The following CDC14B variants were observed in gnomAD, a reference collection of about 807,000 sequenced individuals.
The protein encoded by CDC14B is dual specificity protein phosphatase CDC14B.
In CDC14B, 22 loss-of-function variants were observed where a neutral mutation model predicts 64.2. That is an observed-to-expected ratio of 0.34 (90% confidence interval 0.24 to 0.49). The LOEUF is 0.49. Ranked by LOEUF, CDC14B falls within the 20% of genes least tolerant of loss-of-function variation. The pLI is 0.99. For synonymous variants in CDC14B, 191 were observed against 215.8 expected (o/e 0.89, Z 1.01); for missense variants, 498 against 629.9 (o/e 0.79, Z 2.24).
At chr9:96,599,877 G>A (rs1260250466) in intron 1 of CDC14B, among the ~76,000 whole-genome samples, 7 of 151,872 alleles carry the variant, frequency 4.6e-5, no homozygotes, top group Admixed American at 1.3e-4. Context: ...GACTACAGGC[G>A]CATGCCACCA....
intron 1 of CDC14B, among the ~76,000 whole-genome samples, chr9:96,615,966 C>T (rs963111374): frequency 3.3e-5 from 5 of 152,158 alleles, no homozygotes; most frequent in African/African-American, 9.7e-5. Context: ...TGGAAAACCC[C>T]CAAATAACCA....
intron 1 of CDC14B, among the ~76,000 whole-genome samples, chr9:96,604,762 G>A (rs920663047): frequency 6.6e-6 from 1 of 151,714 alleles, no homozygotes; most frequent in Admixed American, 6.6e-5. Context: ...TCAGCCTCCT[G>A]GGTTCAAGCG....
chr9:96,512,329 T>C (rs10820750), intron 12 of CDC14B, among the ~76,000 whole-genome samples: 26,540 of 149,106 alleles, frequency 0.18, 2,403 homozygotes, highest in African/African-American at 0.22. Context: ...TTTTTTTCTT[T>C]TTTTTTTTTT....
At position 96,534,173 on chromosome 9, in the gene CDC14B, C is replaced by T. The variant is rs377578266; in HGVS notation, c.716-16G>A. 6.9e-5 allele frequency: 100 copies of T among 1,459,540 alleles called. No individual in the cohort carries two copies. Among genetic ancestry groups the T allele is most frequent in the Non-Finnish European group, 9.1e-5 (96 of 1,055,116 alleles). 90.4% of individuals were successfully genotyped at this position (1,459,540 alleles called of 1,614,324 possible). A position where few individuals can be genotyped will look rare whatever the true frequency, so the allele number is the denominator to read the frequency against. On this transcript the variant is annotated splice_polypyrimidine_tract_variant and intron_variant, in intron 8 of 13. Transcript: ENST00000375241. ...TGGTGGTAACCTACATAAAGAAATG[C>T]ACCAGATCTTATAAAACACATAAAG... is the stretch of plus-strand genomic sequence containing the variant.
intron 1 of CDC14B, among the ~76,000 whole-genome samples, chr9:96,600,349 T>C (rs913914195): frequency 6.6e-6 from 1 of 151,954 alleles, no homozygotes; most frequent in Non-Finnish European, 1.5e-5. Flanking sequence ...ACTGGACAGA[T>C]GAGGGCAAGG....
chr9:96,563,340 C>T (rs1278667406), intron 3 of CDC14B, among the ~76,000 whole-genome samples: 1 of 152,140 alleles, frequency 6.6e-6, no homozygotes, highest in African/African-American at 2.4e-5. Context: ...ATGATGTGTA[C>T]ATATTTCTAT....
chr9:96,517,636 T>C (rs1027919178), intron 12 of CDC14B, among the ~76,000 whole-genome samples: 4 of 65,126 alleles, frequency 6.1e-5, no homozygotes, highest in South Asian at 4.7e-4. Flanking sequence ...AGAGCAAGAC[T>C]CCGTCTCAAA....
chr9:96,551,064 A>C (rs935504405), intron 5 of CDC14B, among the ~76,000 whole-genome samples: 1 of 148,648 alleles, frequency 6.7e-6, no homozygotes, highest in African/African-American at 2.5e-5. Flanking sequence ...TTTGAGTACA[A>C]TAACCCAGGA....
chr9:96,494,838 CCTCCCCTTT>C (rs1051306749), intron 13 of CDC14B, among the ~76,000 whole-genome samples: 1 of 144,840 alleles, frequency 6.9e-6, no homozygotes, highest in African/African-American at 2.6e-5. Context: ...CCTCCCCTCC[CCTCCCCTTT>C]CTTTTTTGTC....
chr9:96,556,248 T>C (rs1484578332), intron 4 of CDC14B, among the ~76,000 whole-genome samples: 1 of 152,152 alleles, frequency 6.6e-6, no homozygotes, highest in Non-Finnish European at 1.5e-5. Context: ...CCTGGAGAGA[T>C]GTCACAATGT....
intron 1 of CDC14B, among the ~76,000 whole-genome samples, chr9:96,571,166 TA>T (rs1844444261): frequency 6.6e-6 from 1 of 150,916 alleles, no homozygotes; most frequent in Non-Finnish European, 1.5e-5. Flanking sequence ...TATAAAATTA[TA>T]ACGAAAAAAA....
intron 9 of CDC14B, among the ~76,000 whole-genome samples, chr9:96,527,354 G>A (rs551962396): frequency 1.2e-4 from 19 of 152,234 alleles, no homozygotes; most frequent in East Asian, 5.8e-4. Context: ...AGCTGAGATC[G>A]TGCCACTGCA....
rs1003848412 is a variant in CDC14B at position 96,619,474 on chromosome 9, C to A, written c.-96G>T. 9 of 679,142 alleles carry A rather than the reference C, an allele frequency of 1.3e-5. No homozygotes were observed. In the African/African-American group the frequency reaches 1.6e-4, roughly 12 times the overall value. The allele number at this position is 679,142 out of a possible 1,614,324, so 42.1% of individuals were successfully genotyped here. A position where few individuals can be genotyped will look rare whatever the true frequency, so the allele number is the denominator to read the frequency against. Reference sequence around the variant, plus strand: ...GCCAGCCCCGCGCGGGCGCTCGGGGCGGCGGGCGCAGAGCGGCGCTGCGGG... The same window carrying A: ...GCCAGCCCCGCGCGGGCGCTCGGGGAGGCGGGCGCAGAGCGGCGCTGCGGG... On this transcript the variant is annotated 5_prime_UTR_variant, in exon 1 of 14. Transcript: ENST00000375241.
At chr9:96,511,683 C>T (rs1042046851) in intron 12 of CDC14B, among the ~76,000 whole-genome samples, 5 of 152,162 alleles carry the variant, frequency 3.3e-5, no homozygotes, top group African/African-American at 1.2e-4. Context: ...TCTGAGGGCC[C>T]CATGAAACTA....
intron 12 of CDC14B, among the ~76,000 whole-genome samples, chr9:96,517,374 CG>C (rs1835853684): frequency 2.0e-5 from 3 of 146,672 alleles, no homozygotes; most frequent in Admixed American, 1.4e-4. Context: ...AAATAAAGGC[CG>C]GGCGTGGTGG....
intron 4 of CDC14B, among the ~76,000 whole-genome samples, chr9:96,554,784 T>C (rs1452637610): frequency 6.6e-6 from 1 of 152,198 alleles, no homozygotes; most frequent in Non-Finnish European, 1.5e-5. Context: ...AAGTAACTTT[T>C]ACTTTTACAC....
intron 8 of CDC14B, 120 bp downstream of exon 8, chr9:96,534,335 G>T: frequency 2.5e-6 from 2 of 806,992 alleles, no homozygotes; most frequent in Non-Finnish European, 4.0e-6. Flanking sequence ...CTACTGAAGT[G>T]ACCAAGTATG....
chr9:96,609,467 C>A (rs190835691), intron 1 of CDC14B, among the ~76,000 whole-genome samples: 1 of 152,268 alleles, frequency 6.6e-6, no homozygotes, highest in African/African-American at 2.4e-5. Context: ...TCTTCACATC[C>A]CTTGCCCCTC....
chr9:96,572,606 T>C (rs1204955314), intron 1 of CDC14B, among the ~76,000 whole-genome samples: 2 of 152,036 alleles, frequency 1.3e-5, no homozygotes, highest in South Asian at 2.1e-4. Context: ...GAAATACAAA[T>C]GGTCAATAGC....
Sources: allele counts gnomAD v4.1 joint callset (sites outside exome capture counted in the v4.1 genomes callset), GRCh38; gene constraint gnomAD v4.1.1; transcripts MANE v1.5; gene names NCBI Gene and HGNC (gene_info 2026-07-23, HGNC 2026-07-21).